Variants in UBE2H observed in about 807,000 individuals in gnomAD.
UBE2H encodes ubiquitin conjugating enzyme E2 H.
In UBE2H, 3 loss-of-function variants were observed where a neutral mutation model predicts 29.0. The observed-to-expected ratio is 0.10, with a 90% CI of 0.05 to 0.27. The LOEUF (loss-of-function observed/expected upper bound fraction) is 0.27, where lower values mean the gene tolerates loss of function less well. Ranked by LOEUF, UBE2H falls within the 10% of genes least tolerant of loss-of-function variation. UBE2H has a pLI of 1.00. For missense variants in UBE2H, 68 were observed against 228.2 expected, an observed-to-expected ratio of 0.30 and a Z score of 4.52; for synonymous variants, 69 against 82.9, an observed-to-expected ratio of 0.83 and a Z score of 0.91.
intron 1 of UBE2H, among the ~76,000 whole-genome samples, chr7:129,881,278 A>G (rs1294853269): frequency 1.3e-5 from 2 of 152,138 alleles, no homozygotes; most frequent in East Asian, 3.8e-4. Flanking sequence ...TTGGGAAAAC[A>G]GCATTTCATA....
intron 1 of UBE2H, among the ~76,000 whole-genome samples, chr7:129,913,217 A>C (rs185785623): frequency 2.2e-3 from 332 of 147,816 alleles, no homozygotes; most frequent in Non-Finnish European, 3.4e-3. Flanking sequence ...ATGCCACTGC[A>C]CTCCAGCCTG....
chr7:129,897,496 CTT>C (rs906488928), intron 1 of UBE2H, among the ~76,000 whole-genome samples: 3 of 152,116 alleles, frequency 2.0e-5, no homozygotes, highest in Non-Finnish European at 4.4e-5. Context: ...TTTCATAAAA[CTT>C]AAAAAGGGGA....
chr7:129,869,023 G>C (rs1362348820), intron 3 of UBE2H, among the ~76,000 whole-genome samples: 2 of 148,756 alleles, frequency 1.3e-5, no homozygotes, highest in East Asian at 4.0e-4. Context: ...TGCAACTTCT[G>C]CCTCCGGGGT....
At chr7:129,924,448 A>T (rs1233546155) in intron 1 of UBE2H, among the ~76,000 whole-genome samples, 1 of 152,222 alleles carries the variant, frequency 6.6e-6, no homozygotes, top group East Asian at 1.9e-4. Context: ...GTAAAAATTC[A>T]TACCAAGAAG....
intron 3 of UBE2H, among the ~76,000 whole-genome samples, chr7:129,869,943 T>G (rs1421463576): frequency 2.6e-5 from 4 of 152,208 alleles, no homozygotes; most frequent in African/African-American, 9.6e-5. Flanking sequence ...CCATGACTGT[T>G]ACATTTTACC....
intron 1 of UBE2H, among the ~76,000 whole-genome samples, chr7:129,922,048 A>T (rs991314881): frequency 2.6e-5 from 4 of 151,916 alleles, no homozygotes; most frequent in African/African-American, 9.7e-5. Context: ...CAGTGGCACG[A>T]TCTCGGCTCA....
chr7:129,902,981 G>A (rs1179187599), intron 1 of UBE2H, among the ~76,000 whole-genome samples: 6 of 152,110 alleles, frequency 3.9e-5, no homozygotes, highest in African/African-American at 1.2e-4. Context: ...CTGCAACCCC[G>A]TCCAAGGTCG....
chr7:129,845,942 T>TA (rs2116284157), intron 5 of UBE2H, among the ~76,000 whole-genome samples: 1 of 152,324 alleles, frequency 6.6e-6, no homozygotes, highest in African/African-American at 2.4e-5. Flanking sequence ...ACTAAACTAT[T>TA]AATACAAATA....
chr7:129,866,015 T>TA (rs1478051396), intron 3 of UBE2H, among the ~76,000 whole-genome samples: 1 of 152,174 alleles, frequency 6.6e-6, no homozygotes, highest in Non-Finnish European at 1.5e-5. Context: ...CACAATCTGA[T>TA]AGATTTTCAT....
chr7:129,864,893 C>G (rs1422202315), intron 3 of UBE2H: 1 of 232,150 alleles, frequency 4.3e-6, no homozygotes, highest in Non-Finnish European at 9.1e-6. Context: ...GTGATTTGAC[C>G]AGATTAAAAT....
At chr7:129,944,238 T>C (rs1807707991) in intron 1 of UBE2H, among the ~76,000 whole-genome samples, 2 of 151,698 alleles carry the variant, frequency 1.3e-5, no homozygotes, top group Non-Finnish European at 1.5e-5. Context: ...TGCCTGTAGT[T>C]CCAGCTACTC....
At chr7:129,907,138 T>G (rs1806834194) in intron 1 of UBE2H, among the ~76,000 whole-genome samples, 1 of 27,902 alleles carries the variant, frequency 3.6e-5, no homozygotes, top group South Asian at 1.2e-3. Context: ...GGTGTTCTTG[T>G]TTTTTTTTGA....
At chr7:129,838,234 T>C (rs1805365928) in intron 6 of UBE2H, among the ~76,000 whole-genome samples, 1 of 152,210 alleles carries the variant, frequency 6.6e-6, no homozygotes, top group Non-Finnish European at 1.5e-5. Flanking sequence ...CTCCAAACAA[T>C]ACCCTATAGA....
intron 1 of UBE2H, among the ~76,000 whole-genome samples, chr7:129,944,463 G>A (rs1003417145): frequency 3.3e-5 from 5 of 151,442 alleles, no homozygotes; most frequent in African/African-American, 7.3e-5. Context: ...TTCAAACTAC[G>A]TGTTAAACAT....
At position 129,853,491 on chromosome 7, in the gene UBE2H, T is replaced by A. The variant is rs373474510; in HGVS notation, c.298+4020A>T. ...TACTTTCTGTTTAATGTCATAACAA[T>A]AACAATAGATAACTTCATACTTGAT... is the stretch of plus-strand genomic sequence containing the variant. On this transcript the variant is annotated intron_variant, in intron 5 of 6. Coordinates refer to ENST00000355621, the MANE Select transcript of UBE2H (RefSeq NM_003344.4). Among the ~76,000 whole-genome samples, 12 of 152,316 alleles carry A rather than the reference T, an allele frequency of 7.9e-5. No homozygotes were observed. In the South Asian group the frequency reaches 8.3e-4, roughly 11 times the overall value.
intron 1 of UBE2H, among the ~76,000 whole-genome samples, chr7:129,922,647 T>C (rs987370716): frequency 1.3e-5 from 2 of 152,238 alleles, no homozygotes; most frequent in African/African-American, 4.8e-5. Context: ...TTGCAAATTA[T>C]AAATGGCTCA....
intron 6 of UBE2H, among the ~76,000 whole-genome samples, chr7:129,835,983 A>T (rs1184110932): frequency 2.6e-4 from 40 of 152,240 alleles, no homozygotes; most frequent in African/African-American, 8.9e-4. Flanking sequence ...TTTATATTTT[A>T]AAAACTGTCT....
chr7:129,885,605 A>G (rs1418128474), intron 1 of UBE2H, among the ~76,000 whole-genome samples: 6 of 152,238 alleles, frequency 3.9e-5, no homozygotes, highest in Admixed American at 2.6e-4. Flanking sequence ...CATGCCAGCT[A>G]CAATGGGATT....
chr7:129,952,689 G>C lies in UBE2H; in HGVS notation c.-134C>G. ...CCCCGCGGTCCCGGCGGTCCCGTCAGCCGCCGCCGCCGCCCCCCGCACGGG... is the reference window on the plus strand; with the variant it reads ...CCCCGCGGTCCCGGCGGTCCCGTCACCCGCCGCCGCCGCCCCCCGCACGGG... On this transcript the variant is annotated 5_prime_UTR_variant, in exon 1 of 7. Coordinates refer to ENST00000355621, the MANE Select transcript of UBE2H (RefSeq NM_003344.4). 1.1e-6 allele frequency: 1 copy of C among 913,960 alleles called. No homozygotes were observed. The highest frequency in any genetic ancestry group is 1.5e-6 in the Non-Finnish European group (1 of 672,616). 56.6% of individuals were successfully genotyped at this position (913,960 alleles called of 1,614,324 possible). A position where few individuals can be genotyped will look rare whatever the true frequency, so the allele number is the denominator to read the frequency against.
Sources: gnomAD v4.1 joint callset for allele counts (sites outside exome capture counted in the v4.1 genomes callset) on GRCh38, gnomAD v4.1.1 for gene constraint, MANE v1.5 for transcripts, NCBI Gene and HGNC (gene_info 2026-07-23, HGNC 2026-07-21) for gene names.